DOCK4: variants seen among roughly 807,000 people sequenced by gnomAD.
DOCK4 encodes the protein dedicator of cytokinesis protein 4.
Under a neutral mutation model 268.1 loss-of-function variants are expected in DOCK4, and 97 were observed. That is an observed-to-expected ratio of 0.36 (90% CI 0.31 to 0.43). DOCK4 has a LOEUF of 0.43. Ranked by LOEUF, DOCK4 falls within the 20% of genes least tolerant of loss-of-function variation. The probability of loss-of-function intolerance (pLI) is 1.00; values close to 1 mark genes in which losing one functional copy is unlikely to be tolerated. For synonymous variants in DOCK4, 954 were observed against 887.2 expected (o/e 1.08, Z -1.34); for missense variants, 2,145 against 2,455.7 (o/e 0.87, Z 2.67).
At chr7:112,053,786 T>C (rs1236275177) in intron 1 of DOCK4, among the ~76,000 whole-genome samples, 1 of 152,184 alleles carries the variant, frequency 6.6e-6, no homozygotes. Context: ...TTGTCATAAT[T>C]ACACCGTCAG....
intron 1 of DOCK4, among the ~76,000 whole-genome samples, chr7:112,091,795 C>A (rs996172916): frequency 5.3e-5 from 8 of 152,308 alleles, no homozygotes; most frequent in Admixed American, 4.6e-4. Context: ...CGAGAATCCA[C>A]AACTTACACC....
At chr7:112,128,261 G>A in intron 1 of DOCK4, among the ~76,000 whole-genome samples, 1 of 151,804 alleles carries the variant, frequency 6.6e-6, no homozygotes, top group South Asian at 2.1e-4. Context: ...CAGCCCCTCT[G>A]CCCGGCCAGC....
chr7:111,748,086 G>C (rs1796391804), intron 42 of DOCK4, among the ~76,000 whole-genome samples: 1 of 152,148 alleles, frequency 6.6e-6, no homozygotes, highest in Non-Finnish European at 1.5e-5. Flanking sequence ...GGACCTAATT[G>C]TGAAAATGAT....
intron 44 of DOCK4, among the ~76,000 whole-genome samples, chr7:111,745,683 T>TA (rs781530065): frequency 0.26 from 13,054 of 49,508 alleles, 3,445 homozygotes; most frequent in South Asian, 0.44. Flanking sequence ...GACTCCGTCT[T>TA]AAAAAAAAAA....
chr7:111,886,313 C>T (rs1807835295), intron 16 of DOCK4, among the ~76,000 whole-genome samples: 1 of 152,120 alleles, frequency 6.6e-6, no homozygotes, highest in Non-Finnish European at 1.5e-5. Flanking sequence ...GAGTAGTCAT[C>T]CTTTATGTCA....
At chr7:111,992,582 T>C (rs752426853) in intron 5 of DOCK4, among the ~76,000 whole-genome samples, 31 of 152,174 alleles carry the variant, frequency 2.0e-4, no homozygotes, top group Admixed American at 3.3e-4. Flanking sequence ...CTTATAGAGT[T>C]TACAACACAC....
chr7:112,198,747 A>T (rs549619645), intron 1 of DOCK4, among the ~76,000 whole-genome samples: 9 of 152,326 alleles, frequency 5.9e-5, no homozygotes, highest in African/African-American at 2.2e-4. Flanking sequence ...CTGTGCATCG[A>T]CTGCCTCTTC....
chr7:111,848,134 T>C (rs1804262503), intron 23 of DOCK4, among the ~76,000 whole-genome samples: 2 of 152,268 alleles, frequency 1.3e-5, no homozygotes, highest in Non-Finnish European at 2.9e-5. Context: ...ATCCTTTGTC[T>C]GTAAATTCAA....
In DOCK4 at chr7:111,739,408, A is replaced by G. The variant is rs1364265390; in HGVS notation, c.5110T>C (p.Ser1704Pro). 1 of 1,587,380 alleles carries G rather than the reference A, an allele frequency of 6.3e-7. No individual in the cohort carries two copies. Among genetic ancestry groups the G allele is most frequent in the East Asian group, 2.3e-5 (1 of 43,636 alleles). The change falls in exon 48 of 53, where the codon TCG becomes CCG. Residue 1704 changes from serine (S) to proline (P), a missense_variant. Physicochemically the swap from Ser to Pro is moderately conservative, Grantham distance 74. This residue lies in a region of DOCK4 where 547 missense variants were observed against 469.0 expected (regional missense o/e 1.17). Transcript: ENST00000428084. ...CTCTGGCACTGACCTCTGGCACTCG[A>G]TGGAGCAGAACTTGTCACATTAGGT... The part of the protein sequence containing the change: ...ASPNVTSSAP[S>P]SARASPLLSD...
At chr7:111,861,557 G>A (rs1217344621) in intron 23 of DOCK4, among the ~76,000 whole-genome samples, 1 of 151,764 alleles carries the variant, frequency 6.6e-6, no homozygotes, top group African/African-American at 2.4e-5. Flanking sequence ...GACCAGCCTG[G>A]CCAACATGGT....
intron 1 of DOCK4, among the ~76,000 whole-genome samples, chr7:112,038,205 T>G (rs1014875794): frequency 1.3e-5 from 2 of 152,228 alleles, no homozygotes; most frequent in African/African-American, 4.8e-5. Flanking sequence ...GCTTTGTAAC[T>G]GTCTTCTTTT....
intron 1 of DOCK4, among the ~76,000 whole-genome samples, chr7:112,156,561 T>G (rs1023565681): frequency 1.3e-5 from 2 of 152,238 alleles, no homozygotes; most frequent in Admixed American, 1.3e-4. Context: ...ATAAAATTGT[T>G]TAAATGCTAC....
chr7:111,974,761 T>C (rs1194802562), intron 8 of DOCK4, among the ~76,000 whole-genome samples: 1 of 152,032 alleles, frequency 6.6e-6, no homozygotes, highest in Non-Finnish European at 1.5e-5. Context: ...TGGCAGACCC[T>C]GTACCCGGGT....
At chr7:112,186,727 G>C (rs138810328) in intron 1 of DOCK4, among the ~76,000 whole-genome samples, 1 of 152,088 alleles carries the variant, frequency 6.6e-6, no homozygotes, top group African/African-American at 2.4e-5. Context: ...CACCCACAGA[G>C]AAACCACTGC....
chr7:112,132,034 C>T (rs1220541987), intron 1 of DOCK4, among the ~76,000 whole-genome samples: 1 of 152,150 alleles, frequency 6.6e-6, no homozygotes, highest in African/African-American at 2.4e-5. Flanking sequence ...AATCTCATTT[C>T]GGGCAGATTT....
At position 112,100,153 on chromosome 7, in the gene DOCK4, C is replaced by T. The variant is rs751812721; in HGVS notation, c.38-96022G>A. On this transcript the variant is annotated intron_variant, in intron 1 of 52. Coordinates refer to ENST00000428084, the MANE Select transcript of DOCK4 (RefSeq NM_001363540.2). ...TACTGTGCATAGGAATATTATATTACGCATGAAGCATTTCATGTAACATTT... is the reference window on the plus strand; with the variant it reads ...TACTGTGCATAGGAATATTATATTATGCATGAAGCATTTCATGTAACATTT... 3.9e-5 allele frequency among the ~76,000 whole-genome samples: 6 copies of T among 152,270 alleles called. No individual in the cohort carries two copies. The East Asian group carries it at 5.8e-4, about 15-fold the overall frequency.
At chr7:111,879,819 G>C (rs1807229128) in intron 16 of DOCK4, among the ~76,000 whole-genome samples, 1 of 152,132 alleles carries the variant, frequency 6.6e-6, no homozygotes, top group Non-Finnish European at 1.5e-5. Flanking sequence ...TAGCAGAATT[G>C]ATAAAGCAGA....
At chr7:112,149,222 C>T (rs952761083) in intron 1 of DOCK4, among the ~76,000 whole-genome samples, 4 of 152,080 alleles carry the variant, frequency 2.6e-5, no homozygotes, top group African/African-American at 4.8e-5. Flanking sequence ...AAGAGGATGG[C>T]GCTGCCATCC....
At chr7:112,136,687 A>G (rs1294522049) in intron 1 of DOCK4, among the ~76,000 whole-genome samples, 1 of 152,176 alleles carries the variant, frequency 6.6e-6, no homozygotes, top group African/African-American at 2.4e-5. Flanking sequence ...GGCAGAAATT[A>G]CCTCTAGTTT....
Sources: gnomAD v4.1 joint callset for allele counts (sites outside exome capture counted in the v4.1 genomes callset) on GRCh38, gnomAD v4.1.1 for gene constraint, gnomAD v4.1.1 regional missense constraint, MANE v1.5 for transcripts, NCBI Gene and HGNC (gene_info 2026-07-23, HGNC 2026-07-21) for gene names.